The following TFAP2B variants were observed in gnomAD, a reference collection of about 807,000 sequenced individuals.
The protein encoded by TFAP2B is transcription factor AP-2 beta.
Under a neutral mutation model 44.3 loss-of-function variants are expected in TFAP2B, and 9 were observed. The ratio of observed to expected loss-of-function variants is 0.20; its 90% CI spans 0.12 to 0.35. The LOEUF is 0.35. Among genes scored for constraint, TFAP2B ranks in the 10% least tolerant of loss-of-function variants. The pLI, the probability that TFAP2B is intolerant of heterozygous loss-of-function variation, is 1.00. For missense variants in TFAP2B, 509 were observed against 600.0 expected (o/e 0.85, Z 1.59); for synonymous variants, 270 against 263.8 (o/e 1.02, Z -0.23).
At chr6:50,822,021 C>A in intron 1 of TFAP2B, 1 of 542,928 alleles carries the variant, frequency 1.8e-6, no homozygotes, top group South Asian at 1.9e-5. Flanking sequence ...ATGGCTTGTC[C>A]TGGAAACACA....
chr6:50,847,386 C>T lies in TFAP2B; in HGVS notation c.*3994C>T, dbSNP rs1762871145. On this transcript the variant is annotated 3_prime_UTR_variant, in exon 7 of 7. Transcript: ENST00000393655. Reference sequence around the variant, plus strand: ...TTAAGTTTGTATATATTTATTTATGCTTAATTTAATGGGAATGTGTAAATA... The same window carrying T: ...TTAAGTTTGTATATATTTATTTATGTTTAATTTAATGGGAATGTGTAAATA... 6.6e-6 allele frequency: 1 copy of T among 152,518 alleles called. No individual in the cohort carries two copies. The highest frequency in any genetic ancestry group is 1.5e-5 in the Non-Finnish European group (1 of 68,012). The allele number at this position is 152,518 out of a possible 1,614,324, so 9.4% of individuals were successfully genotyped here. A position where few individuals can be genotyped will look rare whatever the true frequency, so the allele number is the denominator to read the frequency against.
intron 1 of TFAP2B, chr6:50,822,174 C>G: frequency 7.7e-7 from 1 of 1,303,466 alleles, no homozygotes; most frequent in Non-Finnish European, 1.0e-6. Flanking sequence ...AGTTTGGATT[C>G]ACGTGTTACC....
chr6:50,837,961 T>G lies in TFAP2B; in HGVS notation c.822-14T>G. On this transcript the variant is annotated splice_polypyrimidine_tract_variant and intron_variant, in intron 4 of 6. Coordinates refer to ENST00000393655, the MANE Select transcript of TFAP2B (RefSeq NM_003221.4). Reference sequence around the variant, plus strand: ...CTCTAAGGTTAATCAGAATGTTAATTCTTGCAATTTCAGAGCCAAATCGAA... The same window carrying G: ...CTCTAAGGTTAATCAGAATGTTAATGCTTGCAATTTCAGAGCCAAATCGAA... The G allele has an allele frequency of 6.3e-7, 1 of 1,596,606 alleles. No individual in the cohort carries two copies. The highest frequency in any genetic ancestry group is 8.6e-7 in the Non-Finnish European group (1 of 1,164,000).
In TFAP2B at chr6:50,845,426, C is replaced by T. The variant is rs919868401; in HGVS notation, c.*2034C>T. The T allele has an allele frequency of 6.6e-6, 1 of 152,218 alleles. No homozygotes were observed. Among genetic ancestry groups the T allele is most frequent in the African/African-American group, 2.4e-5 (1 of 41,446 alleles). 9.4% of individuals were successfully genotyped at this position (152,218 alleles called of 1,614,324 possible). On this transcript the variant is annotated 3_prime_UTR_variant, in exon 7 of 7. Transcript: ENST00000393655. Reference sequence around the variant, plus strand: ...AAGTTAGGAAGCTCGTCTCAGGTCACCAAAAGGGCCCAAGCAACTGTTAGG... The same window carrying T: ...AAGTTAGGAAGCTCGTCTCAGGTCATCAAAAGGGCCCAAGCAACTGTTAGG...
Position 50,823,480 on chromosome 6 carries a change from C to T in TFAP2B, c.155C>T (p.Ser52Leu), listed in dbSNP as rs759054590. The T allele has an allele frequency of 8.7e-6, 14 of 1,612,256 alleles. No individual in the cohort carries two copies. Among genetic ancestry groups the T allele is most frequent in the Admixed American group, 3.3e-5 (2 of 59,840 alleles). Residue 52 changes from serine to leucine, a missense_variant, in exon 2 of 7, where the codon TCG becomes TTG. Around this residue, in one of 3 missense-constraint regions of TFAP2B, gnomAD observed 296 missense variants for 308.2 expected, o/e 0.96. Transcript: ENST00000393655. Reference sequence around the variant, plus strand: ...GGCTCGGTGTCCCAAGGACCCTACTCGAGCGCCCCGCCGCTGTCCCACACC... The same window carrying T: ...GGCTCGGTGTCCCAAGGACCCTACTTGAGCGCCCCGCCGCTGTCCCACACC... Reference protein sequence around the residue: ...QLGSVSQGPYSSAPPLSHTPS... With the variant: ...QLGSVSQGPYLSAPPLSHTPS...
chr6:50,827,836 T>G (rs1417354609), intron 2 of TFAP2B, among the ~76,000 whole-genome samples: 1 of 152,148 alleles, frequency 6.6e-6, no homozygotes, highest in Non-Finnish European at 1.5e-5. Context: ...GTGCTCAGAG[T>G]TGAAACTTTC....
intron 3 of TFAP2B, among the ~76,000 whole-genome samples, chr6:50,832,502 C>T (rs972739788): frequency 2.0e-5 from 3 of 152,160 alleles, no homozygotes; most frequent in African/African-American, 7.2e-5. Context: ...TAAAATTTTA[C>T]ACTCAGGTAC....
At chr6:50,819,790 C>G (rs867135977) in intron 1 of TFAP2B, among the ~76,000 whole-genome samples, 3 of 152,118 alleles carry the variant, frequency 2.0e-5, no homozygotes, top group African/African-American at 7.2e-5. Flanking sequence ...CGCGGCCAGA[C>G]GGCTCCGCTA....
chr6:50,826,578 C>A, intron 2 of TFAP2B, among the ~76,000 whole-genome samples: 1 of 144,974 alleles, frequency 6.9e-6, no homozygotes, highest in South Asian at 2.3e-4. Context: ...CGCGCGCGCG[C>A]GCGCGCGCGT....
intron 3 of TFAP2B, among the ~76,000 whole-genome samples, chr6:50,833,680 C>CT (rs1405428281): frequency 6.6e-6 from 1 of 152,118 alleles, no homozygotes; most frequent in Non-Finnish European, 1.5e-5. Flanking sequence ...GGAAATAGCT[C>CT]TTGTCGGGTG....
chr6:50,842,988 C>T, intron 6 of TFAP2B, 104 bp from the exon 7 acceptor site: 2 of 1,487,042 alleles, frequency 1.3e-6, no homozygotes, highest in Non-Finnish European at 1.9e-6. Context: ...TAGCCTCGCT[C>T]TTCGGTGACC....
chr6:50,820,989 G>A (rs1770327833), intron 1 of TFAP2B, among the ~76,000 whole-genome samples: 1 of 152,096 alleles, frequency 6.6e-6, no homozygotes. Context: ...ATTACAGGTG[G>A]TCCTATCTGC....
intron 2 of TFAP2B, among the ~76,000 whole-genome samples, chr6:50,827,936 T>C (rs1289003964): frequency 1.3e-5 from 2 of 152,222 alleles, no homozygotes; most frequent in Admixed American, 1.3e-4. Flanking sequence ...TTTGTGTGTG[T>C]CTGCTTGTCT....
At position 50,823,486 on chromosome 6, in the gene TFAP2B, C is replaced by G. The variant is rs375917495; in HGVS notation, c.161C>G (p.Ala54Gly). The G allele has an allele frequency of 1.1e-5, 18 of 1,613,034 alleles. No individual in the cohort carries two copies. Among genetic ancestry groups the G allele is most frequent in the Admixed American group, 3.3e-5 (2 of 59,904 alleles). ...GTGTCCCAAGGACCCTACTCGAGCGCCCCGCCGCTGTCCCACACCCCGTCG... is the reference window on the plus strand; with the variant it reads ...GTGTCCCAAGGACCCTACTCGAGCGGCCCGCCGCTGTCCCACACCCCGTCG... Reference protein sequence around the residue: ...GSVSQGPYSSAPPLSHTPSSD... With the variant: ...GSVSQGPYSSGPPLSHTPSSD... The change falls in exon 2 of 7, where the codon GCC becomes GGC. Residue 54 changes from alanine (A) to glycine (G), a missense_variant. Physicochemically the swap from Ala to Gly is moderately conservative, Grantham distance 60 (BLOSUM62 0). This residue lies in a region of TFAP2B where 296 missense variants were observed against 308.2 expected (regional missense o/e 0.96). Coordinates refer to ENST00000393655, the MANE Select transcript of TFAP2B (RefSeq NM_003221.4).
chr6:50,832,437 T>A (rs1016444504), intron 3 of TFAP2B, among the ~76,000 whole-genome samples: 12 of 152,126 alleles, frequency 7.9e-5, no homozygotes, highest in African/African-American at 2.9e-4. Flanking sequence ...GTGGAAATTA[T>A]TTTTTTCCCC....
At position 50,846,185 on chromosome 6, in the gene TFAP2B, G is replaced by A. The variant is rs1260990546; in HGVS notation, c.*2793G>A. ...TGTTCCTCCTTGCTCCAGCGAGATA[G>A]AACCTTTTGCGCCCCCAACCCCGTT... On this transcript the variant is annotated 3_prime_UTR_variant, in exon 7 of 7. Coordinates refer to ENST00000393655, the MANE Select transcript of TFAP2B (RefSeq NM_003221.4). 1 of 148,192 alleles carries A rather than the reference G, an allele frequency of 6.7e-6. No individual in the cohort carries two copies. The highest frequency in any genetic ancestry group is 1.5e-5 in the Non-Finnish European group (1 of 66,990). The allele number at this position is 148,192 out of a possible 1,614,324, so 9.2% of individuals were successfully genotyped here. A position where few individuals can be genotyped will look rare whatever the true frequency, so the allele number is the denominator to read the frequency against.
chr6:50,825,358 T>C (rs936109727), intron 2 of TFAP2B, among the ~76,000 whole-genome samples: 3 of 152,108 alleles, frequency 2.0e-5, no homozygotes, highest in Admixed American at 6.5e-5. Flanking sequence ...AATTAACCTT[T>C]CTGAGTATGG....
chr6:50,823,702 G>T lies in TFAP2B; in HGVS notation c.377G>T (p.Arg126Leu). 6.2e-7 allele frequency: 1 copy of T among 1,613,378 alleles called. No individual in the cohort carries two copies. The highest frequency in any genetic ancestry group is 8.5e-7 in the Non-Finnish European group (1 of 1,179,706). ...GCCGGCTCTCTCCTGCCCCAGCCTC[G>T]GGCCGCCTTGCCCCAGCTCTCGGGC... is the stretch of plus-strand genomic sequence containing the variant. ...SEAGSLLPQP[R>L]AALPQLSGLD... Residue 126 changes from arginine to leucine, a missense_variant, in exon 2 of 7, where the codon CGG becomes CTG. Physicochemically the swap from Arg to Leu is moderately radical, Grantham distance 102. Around this residue, in one of 3 missense-constraint regions of TFAP2B, gnomAD observed 296 missense variants for 308.2 expected, o/e 0.96. Transcript: ENST00000393655.
Position 50,840,315 on chromosome 6 carries a change from T to G in TFAP2B, c.1082+18T>G. 1 of 1,612,708 alleles carries G rather than the reference T, an allele frequency of 6.2e-7. No individual in the cohort carries two copies. ...GCCACCAAGTGAGTTTATTAGACTC[T>G]GGGCCCTCATCTCACTCCCAGCTGG... On this transcript the variant is annotated intron_variant, in intron 6 of 6. Coordinates refer to ENST00000393655, the MANE Select transcript of TFAP2B (RefSeq NM_003221.4).
Sources: allele counts gnomAD v4.1 joint callset (sites outside exome capture counted in the v4.1 genomes callset), GRCh38; gene constraint gnomAD v4.1.1; regional missense constraint gnomAD v4.1.1; transcripts MANE v1.5; gene names NCBI Gene and HGNC (gene_info 2026-07-23, HGNC 2026-07-21).